The following FHIT variants were observed in gnomAD, a reference collection of about 807,000 sequenced individuals.
The protein encoded by FHIT is bis(5'-adenosyl)-triphosphatase.
Under a neutral mutation model 17.9 loss-of-function variants are expected in FHIT, and 19 were observed. The observed-to-expected ratio is 1.06, with a 90% CI of 0.74 to 1.56. The LOEUF is 1.56. FHIT is among the 40% of genes most tolerant of loss of function. The pLI is 0.00. For synonymous variants in FHIT, 81 were observed against 69.7 expected (o/e 1.16, Z -0.81); for missense variants, 248 against 189.2 (o/e 1.31, Z -1.82).
chr3:60,536,163 C>T (rs906196804), intron 5 of FHIT: 1 of 152,128 alleles, frequency 6.6e-6, no homozygotes, highest in East Asian at 1.9e-4. Context: ...CCAAGCATTT[C>T]ACCAATACTT....
intron 2 of FHIT, among the ~76,000 whole-genome samples, chr3:61,188,657 G>C (rs1461168913): frequency 6.6e-5 from 10 of 152,198 alleles, no homozygotes; most frequent in Admixed American, 6.5e-4. Context: ...CAATATCCTT[G>C]ATGAACATTG....
At position 60,160,684 on chromosome 3, in the gene FHIT, T is replaced by C. The variant is rs181296826; in HGVS notation, c.104-146532A>G. Among the ~76,000 whole-genome samples, 9 of 152,274 alleles carry C rather than the reference T, an allele frequency of 5.9e-5. No homozygotes were observed. The East Asian group carries it at 1.5e-3, about 26-fold the overall frequency. ...TTAACAAAAGTGACATTACCAGCTG[T>C]TGTAATGTCAAGCAGCTTAGCTAAA... On this transcript the variant is annotated intron_variant, in intron 5 of 9. Transcript: ENST00000492590.
intron 2 of FHIT, among the ~76,000 whole-genome samples, chr3:61,051,652 T>C (rs1047802976): frequency 2.6e-5 from 4 of 152,158 alleles, no homozygotes; most frequent in South Asian, 4.1e-4. Context: ...GCCCTGGAAA[T>C]GTTTCTGATA....
At chr3:60,528,116 G>A (rs2035641717) in intron 5 of FHIT, among the ~76,000 whole-genome samples, 1 of 152,168 alleles carries the variant, frequency 6.6e-6, no homozygotes, top group African/African-American at 2.4e-5. Context: ...TAGGACTACA[G>A]ATGCATGCCA....
At chr3:60,363,827 C>T (rs1700002435) in intron 5 of FHIT, among the ~76,000 whole-genome samples, 1 of 152,136 alleles carries the variant, frequency 6.6e-6, no homozygotes, top group African/African-American at 2.4e-5. Flanking sequence ...GAGGGAAGAA[C>T]AGTTCAGGAT....
At chr3:60,935,180 A>G (rs1258921007) in intron 3 of FHIT, among the ~76,000 whole-genome samples, 3 of 152,234 alleles carry the variant, frequency 2.0e-5, no homozygotes, top group Non-Finnish European at 4.4e-5. Context: ...AAGAACCATT[A>G]CAGTTATTGT....
chr3:60,418,424 ATACG>A (rs1702343010), intron 5 of FHIT, among the ~76,000 whole-genome samples: 7 of 22,538 alleles, frequency 3.1e-4, no homozygotes, highest in African/African-American at 4.1e-4. Context: ...ATATATATAT[ATACG>A]TGTATACACA....
chr3:60,985,235 G>T (rs184842225), intron 3 of FHIT, among the ~76,000 whole-genome samples: 75 of 152,226 alleles, frequency 4.9e-4, no homozygotes, highest in African/African-American at 1.6e-3. Context: ...TGTGTTCTGT[G>T]TTTGAATACG....
At chr3:60,101,148 T>C (rs554041797) in intron 5 of FHIT, among the ~76,000 whole-genome samples, 1 of 152,326 alleles carries the variant, frequency 6.6e-6, no homozygotes, top group Admixed American at 6.5e-5. Flanking sequence ...CCTTTCTGTA[T>C]ACAGCCGCCA....
intron 5 of FHIT, among the ~76,000 whole-genome samples, chr3:60,288,160 C>T (rs946804609): frequency 1.3e-5 from 2 of 152,232 alleles, no homozygotes; most frequent in South Asian, 2.1e-4. Flanking sequence ...AAACTTTATT[C>T]CTTGCTAGAG....
chr3:60,258,671 T>C (rs185015563), intron 5 of FHIT, among the ~76,000 whole-genome samples: 171 of 152,242 alleles, frequency 1.1e-3, no homozygotes, highest in Middle Eastern at 3.4e-3. Context: ...TATAAATCTA[T>C]TGAATGAATT....
intron 3 of FHIT, among the ~76,000 whole-genome samples, chr3:60,940,325 A>T (rs1373855686): frequency 1.3e-5 from 2 of 150,600 alleles, no homozygotes; most frequent in Admixed American, 6.6e-5. Flanking sequence ...CTGAAGAAAA[A>T]TAAGTCAATT....
chr3:60,210,668 A>G (rs1456158467), intron 5 of FHIT, among the ~76,000 whole-genome samples: 2 of 152,192 alleles, frequency 1.3e-5, no homozygotes, highest in African/African-American at 4.8e-5. Flanking sequence ...TGCTGTTAAT[A>G]TGACAAATGC....
intron 5 of FHIT, among the ~76,000 whole-genome samples, chr3:60,269,047 C>T (rs1706732260): frequency 6.6e-6 from 1 of 152,180 alleles, no homozygotes; most frequent in Non-Finnish European, 1.5e-5. Context: ...GCCCTGCTGA[C>T]ATCTTGATTT....
chr3:60,134,883 C>G (rs1223371284), intron 5 of FHIT, among the ~76,000 whole-genome samples: 1 of 151,954 alleles, frequency 6.6e-6, no homozygotes, highest in African/African-American at 2.4e-5. Flanking sequence ...ATTACCACCT[C>G]CAGCAGAGTC....
intron 8 of FHIT, among the ~76,000 whole-genome samples, chr3:59,833,157 G>A (rs1250384551): frequency 6.6e-6 from 1 of 152,250 alleles, no homozygotes; most frequent in South Asian, 2.1e-4. Context: ...GAATAAGCCT[G>A]TCATGGGTTG....
At chr3:60,873,929 A>T (rs1244673564) in intron 3 of FHIT, among the ~76,000 whole-genome samples, 1 of 152,144 alleles carries the variant, frequency 6.6e-6, no homozygotes, top group Middle Eastern at 3.2e-3. Context: ...GGTGGGTGAA[A>T]TTTGTCACTC....
chr3:60,296,838 G>A (rs991600032), intron 5 of FHIT, among the ~76,000 whole-genome samples: 8 of 151,282 alleles, frequency 5.3e-5, no homozygotes, highest in Non-Finnish European at 1.0e-4. Context: ...CAAGGTGTGA[G>A]GTATAGGTTA....
intron 3 of FHIT, among the ~76,000 whole-genome samples, chr3:60,955,762 T>C (rs1027360971): frequency 1.3e-5 from 2 of 151,674 alleles, no homozygotes; most frequent in African/African-American, 4.9e-5. Flanking sequence ...TTGGAAACAA[T>C]AGGCAGGAGA....
Sources: gnomAD v4.1 joint callset for allele counts (sites outside exome capture counted in the v4.1 genomes callset) on GRCh38, gnomAD v4.1.1 for gene constraint, MANE v1.5 for transcripts, NCBI Gene and HGNC (gene_info 2026-07-23, HGNC 2026-07-21) for gene names.